SHROOM3: variants seen among roughly 807,000 people sequenced by gnomAD.
SHROOM3 encodes the protein protein Shroom3.
In SHROOM3, 47 loss-of-function variants were observed where a neutral mutation model predicts 138.6. That is an observed-to-expected ratio of 0.34 (90% CI 0.27 to 0.43). The LOEUF is 0.43. SHROOM3 is among the 20% of genes least tolerant of loss of function. SHROOM3 has a pLI of 1.00. For missense variants in SHROOM3, 2,491 were observed against 2,596.5 expected, an observed-to-expected ratio of 0.96 and a Z score of 0.88; for synonymous variants, 1,062 against 1,063.3, an observed-to-expected ratio of 1.00 and a Z score of 0.02.
chr4:76,777,688 A>T (rs1471152834), intron 10 of SHROOM3, among the ~76,000 whole-genome samples: 1 of 152,166 alleles, frequency 6.6e-6, no homozygotes, highest in Non-Finnish European at 1.5e-5. Context: ...CTCAGGGGGA[A>T]TGCTTTCAAC....
At position 76,753,064 on chromosome 4, in the gene SHROOM3, A is replaced by G. The variant is rs150384201; in HGVS notation, c.3828-1247A>G. ...CTTGGTGGCAGGTACTGGGGATGCC[A>G]GGATGGATGAGACAGAAGTGAAGAG... On this transcript the variant is annotated intron_variant, in intron 6 of 10. Transcript: ENST00000296043. Among the ~76,000 whole-genome samples the G allele has an allele frequency of 3.9e-3, 596 of 152,288 alleles. 1 individual carries two copies. Among genetic ancestry groups the G allele is most frequent in the Middle Eastern group, 0.014 (4 of 294 alleles).
chr4:76,446,394 A>T (rs1316182002), intron 1 of SHROOM3, among the ~76,000 whole-genome samples: 2 of 148,974 alleles, frequency 1.3e-5, no homozygotes, highest in Non-Finnish European at 3.0e-5. Context: ...GGCATCCTTA[A>T]GGTGCCCTGC....
At chr4:76,541,375 T>C (rs1733093526) in intron 1 of SHROOM3, among the ~76,000 whole-genome samples, 1 of 152,118 alleles carries the variant, frequency 6.6e-6, no homozygotes, top group South Asian at 2.1e-4. Flanking sequence ...ATTTTTAAAA[T>C]TAAATAAAAT....
intron 1 of SHROOM3, among the ~76,000 whole-genome samples, chr4:76,492,788 T>C (rs1220315236): frequency 6.6e-6 from 1 of 152,158 alleles, no homozygotes; most frequent in South Asian, 2.1e-4. Context: ...TACATGGTAT[T>C]GGGCTGGGGG....
At chr4:76,633,332 C>CAAAAAAAAAAAAAA (rs56002974) in intron 2 of SHROOM3, among the ~76,000 whole-genome samples, 6 of 83,850 alleles carry the variant, frequency 7.2e-5, no homozygotes, top group African/African-American at 9.3e-5. Context: ...GACTCAGTCT[C>CAAAAAAAAAAAAAA]AAAAAAAAAA....
At chr4:76,757,097 G>A (rs1360289688) in intron 8 of SHROOM3, 160 bp downstream of exon 8, 1 of 1,070,062 alleles carries the variant, frequency 9.3e-7, no homozygotes, top group East Asian at 2.6e-5. Context: ...CTCTGGCAGT[G>A]AGGATGTGGG....
intron 1 of SHROOM3, among the ~76,000 whole-genome samples, chr4:76,475,243 C>T (rs918162929): frequency 4.6e-5 from 7 of 151,990 alleles, no homozygotes; most frequent in South Asian, 2.1e-4. Context: ...TGAGAAAAAG[C>T]GAGATTTTGG....
intron 1 of SHROOM3, among the ~76,000 whole-genome samples, chr4:76,540,296 T>C (rs1481102546): frequency 6.6e-6 from 1 of 152,228 alleles, no homozygotes; most frequent in African/African-American, 2.4e-5. Flanking sequence ...CAGCCACCCT[T>C]GAGAATTCTT....
rs978655226 is a variant in SHROOM3, at chr4:76,435,581, C to T, written c.-472C>T. 6.6e-6 allele frequency: 1 copy of T among 152,010 alleles called. No homozygotes were observed. The highest frequency in any genetic ancestry group is 6.6e-5 in the Admixed American group (1 of 15,264). The allele number at this position is 152,010 out of a possible 1,614,324, so 9.4% of individuals were successfully genotyped here. A position where few individuals can be genotyped will look rare whatever the true frequency, so the allele number is the denominator to read the frequency against. On this transcript the variant is annotated 5_prime_UTR_variant, in exon 1 of 11. Transcript: ENST00000296043. ...GCTATTGTAATGGTAAATTTCACTC[C>T]GAGAGGAAGAAAGGGTTGATAATCA... is the stretch of plus-strand genomic sequence containing the variant.
At chr4:76,765,290 G>C (rs774635429) in intron 9 of SHROOM3, among the ~76,000 whole-genome samples, 34 of 151,214 alleles carry the variant, frequency 2.2e-4, no homozygotes, top group Middle Eastern at 6.9e-3. Context: ...CAAGGCAGGC[G>C]GATCTCTTGA....
At chr4:76,441,419 T>C (rs1730680405) in intron 1 of SHROOM3, among the ~76,000 whole-genome samples, 1 of 152,148 alleles carries the variant, frequency 6.6e-6, no homozygotes, top group African/African-American at 2.4e-5. Flanking sequence ...AATGGATTTT[T>C]AGGCAGTTCC....
intron 2 of SHROOM3, among the ~76,000 whole-genome samples, chr4:76,615,327 A>G (rs918066443): frequency 5.3e-5 from 8 of 152,198 alleles, no homozygotes; most frequent in Non-Finnish European, 1.0e-4. Context: ...TTCGACTGAC[A>G]TATCCTTTCC....
At chr4:76,459,545 A>T (rs1372053334) in intron 1 of SHROOM3, among the ~76,000 whole-genome samples, 1 of 152,122 alleles carries the variant, frequency 6.6e-6, no homozygotes, top group Non-Finnish European at 1.5e-5. Flanking sequence ...ACGAAACAGG[A>T]TCAAGTTGGA....
At chr4:76,684,690 C>T (rs114898773) in intron 2 of SHROOM3, among the ~76,000 whole-genome samples, 2,044 of 152,310 alleles carry the variant, frequency 0.013, 39 homozygotes, top group African/African-American at 0.046. Flanking sequence ...ACAGCTGCCA[C>T]ACAAAGAGAC....
chr4:76,531,312 G>T (rs150431375), intron 1 of SHROOM3, among the ~76,000 whole-genome samples: 1 of 152,166 alleles, frequency 6.6e-6, no homozygotes, highest in South Asian at 2.1e-4. Flanking sequence ...GGAGCTGTGC[G>T]TGAGAATTTT....
intron 1 of SHROOM3, among the ~76,000 whole-genome samples, chr4:76,496,712 A>G (rs1351588181): frequency 6.6e-6 from 1 of 152,156 alleles, no homozygotes; most frequent in Non-Finnish European, 1.5e-5. Flanking sequence ...AGTTTGATGT[A>G]GTAGACAGGG....
intron 1 of SHROOM3, among the ~76,000 whole-genome samples, chr4:76,468,631 C>T (rs1240677196): frequency 6.6e-6 from 1 of 151,346 alleles, no homozygotes; most frequent in African/African-American, 2.4e-5. Context: ...TAAATATTTA[C>T]ACATTAGTTT....
At chr4:76,484,187 CTGTCTAT>C (rs1731679160) in intron 1 of SHROOM3, among the ~76,000 whole-genome samples, 1 of 151,350 alleles carries the variant, frequency 6.6e-6, no homozygotes, top group Non-Finnish European at 1.5e-5. Context: ...ATTTTTTTTT[CTGTCTAT>C]AACCTTTAGT....
chr4:76,460,808 C>G (rs1731124155), intron 1 of SHROOM3, among the ~76,000 whole-genome samples: 1 of 98,840 alleles, frequency 1.0e-5, no homozygotes, highest in Non-Finnish European at 2.1e-5. Context: ...CTGGGTAACA[C>G]AGTGAAAGCC....
Sources: allele counts gnomAD v4.1 joint callset (sites outside exome capture counted in the v4.1 genomes callset), GRCh38; gene constraint gnomAD v4.1.1; transcripts MANE v1.5; gene names NCBI Gene and HGNC (gene_info 2026-07-23, HGNC 2026-07-21).